The following SPIDR variants were observed in gnomAD, a reference collection of about 807,000 sequenced individuals.
SPIDR encodes the protein DNA repair-scaffolding protein.
A neutral mutation model predicts 104.6 loss-of-function variants in SPIDR; 93 were observed. That is an observed-to-expected ratio of 0.89 (90% confidence interval 0.75 to 1.06). The LOEUF (loss-of-function observed/expected upper bound fraction) is 1.06, where lower values mean the gene tolerates loss of function less well. Among genes scored for constraint, SPIDR ranks in the 50% least tolerant of loss-of-function variants. The probability of loss-of-function intolerance (pLI) is 0.00; values close to 1 mark genes in which losing one functional copy is unlikely to be tolerated. For synonymous variants in SPIDR, 431 were observed against 416.9 expected, an observed-to-expected ratio of 1.03 and a Z score of -0.41; for missense variants, 1,154 against 1,111.2, an observed-to-expected ratio of 1.04 and a Z score of -0.55.
intron 3 of SPIDR, among the ~76,000 whole-genome samples, chr8:47,288,900 A>AT (rs1158927279): frequency 4.0e-5 from 6 of 151,848 alleles, no homozygotes; most frequent in East Asian, 1.9e-4. Context: ...GGAACATTCC[A>AT]TTTTTTTTGT....
At chr8:47,333,172 C>CA (rs1554605802) in intron 5 of SPIDR, among the ~76,000 whole-genome samples, 1 of 152,148 alleles carries the variant, frequency 6.6e-6, no homozygotes, top group African/African-American at 2.4e-5. Context: ...CAGTAACACT[C>CA]ATGGAGCTGT....
chr8:47,526,550 T>G (rs983114603), intron 8 of SPIDR, among the ~76,000 whole-genome samples: 3 of 152,204 alleles, frequency 2.0e-5, no homozygotes, highest in Non-Finnish European at 2.9e-5. Flanking sequence ...GGCTGTTTTA[T>G]GGAGATGGTG....
chr8:47,440,163 A>G (rs1420785308), intron 7 of SPIDR, among the ~76,000 whole-genome samples, 160 bp from the exon 8 acceptor site: 1 of 152,250 alleles, frequency 6.6e-6, no homozygotes, highest in Non-Finnish European at 1.5e-5. Flanking sequence ...TATAGTGAGC[A>G]TCGTAGTGTC....
At chr8:47,376,884 C>T (rs1587907381) in intron 5 of SPIDR, among the ~76,000 whole-genome samples, 1 of 152,128 alleles carries the variant, frequency 6.6e-6, no homozygotes, top group East Asian at 1.9e-4. Context: ...CTATAGCTTA[C>T]AGGCCAAATC....
intron 8 of SPIDR, among the ~76,000 whole-genome samples, chr8:47,485,275 T>C (rs1554730201): frequency 6.6e-6 from 1 of 152,098 alleles, no homozygotes; most frequent in African/African-American, 2.4e-5. Context: ...CAGTCTGAGA[T>C]CAAACTGCAA....
rs377513483 is a variant in SPIDR, at chr8:47,424,303, C to T, written c.878-16020C>T. Among the ~76,000 whole-genome samples the T allele has an allele frequency of 5.3e-5, 8 of 152,188 alleles. No individual in the cohort carries two copies. In the South Asian group the frequency reaches 1.0e-3, roughly 20 times the overall value. On this transcript the variant is annotated intron_variant, in intron 7 of 19. Coordinates refer to ENST00000297423, the MANE Select transcript of SPIDR (RefSeq NM_001080394.4). ...TAGTTTTTAAAACTAAAAGTAGTTA[C>T]AAATGTTCTTTTATTTTTTTGAGTA... is the stretch of plus-strand genomic sequence containing the variant.
intron 8 of SPIDR, among the ~76,000 whole-genome samples, chr8:47,501,255 T>G (rs1326716409): frequency 1.3e-5 from 2 of 152,250 alleles, no homozygotes; most frequent in Non-Finnish European, 2.9e-5. Flanking sequence ...TTTCACAATA[T>G]TGATTCTTCC....
At chr8:47,495,814 G>A (rs772319372) in intron 8 of SPIDR, among the ~76,000 whole-genome samples, 1 of 151,904 alleles carries the variant, frequency 6.6e-6, no homozygotes, top group Non-Finnish European at 1.5e-5. Flanking sequence ...CAATTTTCTT[G>A]GCACTCTTGT....
intron 7 of SPIDR, among the ~76,000 whole-genome samples, chr8:47,426,387 G>A (rs2066419032): frequency 6.8e-6 from 1 of 148,046 alleles, no homozygotes; most frequent in Non-Finnish European, 1.5e-5. Flanking sequence ...TTGCCAAATG[G>A]CTATAATATT....
chr8:47,729,277 C>A, intron 18 of SPIDR, 135 bp from the exon 19 acceptor site: 1 of 1,435,906 alleles, frequency 7.0e-7, no homozygotes, highest in South Asian at 1.3e-5. Flanking sequence ...ACATCTTTGA[C>A]CTAAGGCCGT....
intron 10 of SPIDR, chr8:47,659,632 C>T: frequency 1.8e-6 from 1 of 540,762 alleles, no homozygotes; most frequent in Non-Finnish European, 2.4e-6. Context: ...CCACCCCGCC[C>T]CGCCCTCGCT....
rs1399671371 is a variant in SPIDR at position 47,269,189 on chromosome 8, T to A, written c.33+8198T>A. On this transcript the variant is annotated intron_variant, in intron 1 of 19. Transcript: ENST00000297423. ...CCTTTTTTTTTTTTTTTTTTTTTTT[T>A]AAAGGAGGTAGAAGCTTCAGTGATC... Among the ~76,000 whole-genome samples, 49 of 130,804 alleles carry A rather than the reference T, an allele frequency of 3.7e-4. No homozygotes were observed. The East Asian group carries it at 8.4e-3, about 22-fold the overall frequency. 85.8% of individuals were successfully genotyped at this position (130,804 alleles called of 152,430 possible). A position where few individuals can be genotyped will look rare whatever the true frequency, so the allele number is the denominator to read the frequency against.
At chr8:47,685,493 A>T (rs1292021240) in intron 11 of SPIDR, among the ~76,000 whole-genome samples, 6 of 114,248 alleles carry the variant, frequency 5.3e-5, no homozygotes, top group Admixed American at 2.9e-4. Context: ...TTATTTATTT[A>T]TTTATTTATT....
Position 47,599,112 on chromosome 8 carries a change from A to G in SPIDR, c.1460A>G (p.Gln487Arg). Residue 487 changes from glutamine to arginine, a missense_variant, in exon 10 of 20, where the codon CAA (glutamine) becomes CGA (arginine). Transcript: ENST00000297423. ...GGAGCTGGAGTCCGAGTGGTGGTGCAAAGAGTGTATTCTCTTCCCAGCAGA... is the reference window on the plus strand; with the variant it reads ...GGAGCTGGAGTCCGAGTGGTGGTGCGAAGAGTGTATTCTCTTCCCAGCAGA... ...WPGAGVRVVV[Q>R]RVYSLPSRDS... 6.2e-7 allele frequency: 1 copy of G among 1,613,088 alleles called. No individual in the cohort carries two copies. Among genetic ancestry groups the G allele is most frequent in the Non-Finnish European group, 8.5e-7 (1 of 1,179,618 alleles).
At chr8:47,640,374 A>G (rs887018509) in intron 10 of SPIDR, among the ~76,000 whole-genome samples, 15 of 152,170 alleles carry the variant, frequency 9.9e-5, no homozygotes, top group Non-Finnish European at 1.9e-4. Context: ...GTACCCACCA[A>G]AAGAGTTAGA....
At chr8:47,261,254 C>T (rs1265931153) in intron 1 of SPIDR, among the ~76,000 whole-genome samples, 1 of 152,178 alleles carries the variant, frequency 6.6e-6, no homozygotes, top group African/African-American at 2.4e-5. Flanking sequence ...CGCCGAGGGA[C>T]GCAGCGGGCG....
At chr8:47,541,047 G>A (rs569982172) in intron 8 of SPIDR, among the ~76,000 whole-genome samples, 36 of 152,122 alleles carry the variant, frequency 2.4e-4, no homozygotes, top group Admixed American at 2.0e-3. Context: ...TTTAATAGAG[G>A]TGGGGTTTTA....
Position 47,407,908 on chromosome 8 carries a change from C to T in SPIDR, c.824C>T (p.Ser275Phe). 1 of 1,606,264 alleles carries T rather than the reference C, an allele frequency of 6.2e-7. No individual in the cohort carries two copies. Among genetic ancestry groups the T allele is most frequent in the Non-Finnish European group, 8.5e-7 (1 of 1,174,932 alleles). ...RLNGLQNRER[S>F]AISLWRHQCI... ...AATGGACTGCAGAATCGAGAGAGAT[C>T]TGCTATTTCTTTGTGGAGACATCAA... Residue 275 changes from serine (S) to phenylalanine (F), a missense_variant, in exon 7 of 20, where the codon TCT (serine) becomes TTT (phenylalanine). Ser to Phe is a radical substitution (Grantham distance 155). Coordinates refer to ENST00000297423, the MANE Select transcript of SPIDR (RefSeq NM_001080394.4).
chr8:47,640,694 T>TTC (rs2068732699), intron 10 of SPIDR, among the ~76,000 whole-genome samples: 1 of 152,056 alleles, frequency 6.6e-6, no homozygotes, highest in Non-Finnish European at 1.5e-5. Flanking sequence ...GTTGTTGTTT[T>TTC]TGAGACGGAG....
Sources: allele counts gnomAD v4.1 joint callset (sites outside exome capture counted in the v4.1 genomes callset), GRCh38; gene constraint gnomAD v4.1.1; transcripts MANE v1.5; gene names NCBI Gene and HGNC (gene_info 2026-07-23, HGNC 2026-07-21).